AP3B1: variants seen among roughly 807,000 people sequenced by gnomAD.
AP3B1 encodes the protein AP-3 complex subunit beta-1.
AP3B1 carries 61 observed loss-of-function variants against 132.5 expected under a neutral mutation model. The observed-to-expected ratio is 0.46, with a 90% CI of 0.37 to 0.57. The LOEUF is 0.57. AP3B1 is among the 20% of genes least tolerant of loss of function. The pLI is 0.00. For missense variants in AP3B1, 1,120 were observed against 1,289.4 expected (o/e 0.87, Z 2.01); for synonymous variants, 388 against 438.3 (o/e 0.89, Z 1.43).
chr5:78,164,057 G>T (rs375907647), intron 12 of AP3B1, among the ~76,000 whole-genome samples: 1 of 151,796 alleles, frequency 6.6e-6, no homozygotes, highest in African/African-American at 2.4e-5. Context: ...ATTAAACATT[G>T]AACAAATAAA....
At chr5:78,166,383 T>A (rs1005304821) in intron 11 of AP3B1, among the ~76,000 whole-genome samples, 1 of 152,194 alleles carries the variant, frequency 6.6e-6, no homozygotes, top group Non-Finnish European at 1.5e-5. Flanking sequence ...TTTGGCTTTT[T>A]GTCTTTTAGT....
chr5:78,183,787 A>C (rs1744474918), intron 7 of AP3B1, among the ~76,000 whole-genome samples: 1 of 149,226 alleles, frequency 6.7e-6, no homozygotes, highest in African/African-American at 2.5e-5. Context: ...GAATTGCTTG[A>C]GCTCATGAGG....
At chr5:78,202,304 A>T (rs895884745) in intron 7 of AP3B1, among the ~76,000 whole-genome samples, 3 of 152,160 alleles carry the variant, frequency 2.0e-5, no homozygotes, top group African/African-American at 7.2e-5. Context: ...AAAATGGACT[A>T]ATACACAATC....
intron 6 of AP3B1, among the ~76,000 whole-genome samples, chr5:78,219,664 G>T (rs923596442): frequency 2.0e-5 from 3 of 151,922 alleles, no homozygotes; most frequent in African/African-American, 7.2e-5. Context: ...ACACATACTG[G>T]TCTTTAGTAA....
At chr5:78,155,615 A>T (rs1743115685) in intron 14 of AP3B1, among the ~76,000 whole-genome samples, 1 of 152,172 alleles carries the variant, frequency 6.6e-6, no homozygotes, top group Non-Finnish European at 1.5e-5. Flanking sequence ...AAACATGCTA[A>T]GTGAAAGATG....
intron 2 of AP3B1, among the ~76,000 whole-genome samples, chr5:78,258,984 T>C (rs575331011): frequency 6.6e-6 from 1 of 152,258 alleles, no homozygotes; most frequent in South Asian, 2.1e-4. Context: ...ATGCCTGTAA[T>C]CCCAGCACTT....
At chr5:78,060,963 T>A (rs1299563506) in intron 22 of AP3B1, among the ~76,000 whole-genome samples, 2 of 152,172 alleles carry the variant, frequency 1.3e-5, no homozygotes, top group East Asian at 3.9e-4. Context: ...TGTTATGTAA[T>A]TTTTATGTTT....
intron 15 of AP3B1, among the ~76,000 whole-genome samples, chr5:78,132,650 G>A (rs1056306548): frequency 4.6e-5 from 7 of 152,140 alleles, no homozygotes; most frequent in East Asian, 1.9e-4. Context: ...GCACCTGTAC[G>A]TATTAAATTA....
intron 20 of AP3B1, among the ~76,000 whole-genome samples, chr5:78,104,311 CT>C (rs1751246253): frequency 6.6e-6 from 1 of 152,152 alleles, no homozygotes; most frequent in South Asian, 2.1e-4. Flanking sequence ...ATTGAGACTT[CT>C]TTATAAGTTA....
In AP3B1 at chr5:78,092,454, A is replaced by G. The variant is rs1408621116; in HGVS notation, c.2471-2955T>C. Among the ~76,000 whole-genome samples the G allele has an allele frequency of 3.3e-5, 5 of 152,198 alleles. 1 individual carries two copies. Among genetic ancestry groups the G allele is most frequent in the Admixed American group, 2.6e-4 (4 of 15,284 alleles). On this transcript the variant is annotated intron_variant, in intron 21 of 26. Coordinates refer to ENST00000255194, the MANE Select transcript of AP3B1 (RefSeq NM_003664.5). Reference sequence around the variant, plus strand: ...GACTGTGCTGAAGTATTTAATTAGTAATGTGTAAAAACAAAGTGACTCTAT... The same window carrying G: ...GACTGTGCTGAAGTATTTAATTAGTGATGTGTAAAAACAAAGTGACTCTAT...
chr5:78,197,487 T>G (rs1181872063), intron 7 of AP3B1, among the ~76,000 whole-genome samples: 1 of 152,198 alleles, frequency 6.6e-6, no homozygotes, highest in East Asian at 1.9e-4. Flanking sequence ...TGTGAAATTA[T>G]ACTTAAGTAG....
At chr5:78,097,027 C>A (rs1750850458) in intron 21 of AP3B1, among the ~76,000 whole-genome samples, 1 of 127,716 alleles carries the variant, frequency 7.8e-6, no homozygotes, top group Non-Finnish European at 1.6e-5. Context: ...GGTCAGCCCC[C>A]CGCCCGGCCA....
At chr5:78,058,862 G>A (rs1304019122) in intron 22 of AP3B1, among the ~76,000 whole-genome samples, 1 of 152,162 alleles carries the variant, frequency 6.6e-6, no homozygotes, top group Non-Finnish European at 1.5e-5. Context: ...GCCTCTATGA[G>A]TGCCATCACC....
At chr5:78,252,245 C>G (rs938123627) in intron 2 of AP3B1, among the ~76,000 whole-genome samples, 1 of 152,136 alleles carries the variant, frequency 6.6e-6, no homozygotes, top group African/African-American at 2.4e-5. Context: ...TCAGGTGAGA[C>G]TCAGCACATT....
chr5:78,110,078 G>T, intron 20 of AP3B1, 129 bp downstream of exon 20: 2 of 805,462 alleles, frequency 2.5e-6, no homozygotes, highest in Non-Finnish European at 3.9e-6. Flanking sequence ...CATTTCTGCA[G>T]AGTTGGGTTA....
chr5:78,080,914 C>G (rs968940849), intron 22 of AP3B1, among the ~76,000 whole-genome samples: 1 of 152,110 alleles, frequency 6.6e-6, no homozygotes, highest in Admixed American at 6.5e-5. Context: ...CCAAAGGTAC[C>G]GTCTCTCTTT....
intron 14 of AP3B1, among the ~76,000 whole-genome samples, chr5:78,142,609 A>G (rs1446475844): frequency 2.7e-5 from 4 of 149,866 alleles, no homozygotes; most frequent in Non-Finnish European, 4.4e-5. Flanking sequence ...CTTTCAAAAC[A>G]CCCACATTAT....
chr5:78,235,475 T>C (rs1199026417), intron 3 of AP3B1, among the ~76,000 whole-genome samples: 1 of 152,194 alleles, frequency 6.6e-6, no homozygotes, highest in African/African-American at 2.4e-5. Flanking sequence ...GCAAAAAGCA[T>C]AACAATATTA....
At position 78,058,530 on chromosome 5, in the gene AP3B1, CTAAAG is replaced by C. The variant is rs553966362; in HGVS notation, c.2578-19261_2578-19257del. Among the ~76,000 whole-genome samples, 836 of 152,072 alleles carry C rather than the reference CTAAAG, an allele frequency of 5.5e-3. 6 individuals carry two copies. Among genetic ancestry groups the C allele is most frequent in the African/African-American group, 0.019 (798 of 41,488 alleles). ...AAAAAATGTTATTATAATTCTGATT[CTAAAG>C]TAAAGTAAGTAAAAATTTTTAAATA... On this transcript the variant is annotated intron_variant, in intron 22 of 26. Coordinates refer to ENST00000255194, the MANE Select transcript of AP3B1 (RefSeq NM_003664.5).
Sources: gnomAD v4.1 joint callset for allele counts (sites outside exome capture counted in the v4.1 genomes callset) on GRCh38, gnomAD v4.1.1 for gene constraint, MANE v1.5 for transcripts, NCBI Gene and HGNC (gene_info 2026-07-23, HGNC 2026-07-21) for gene names.